Variants in VIPR2 observed in about 807,000 individuals in gnomAD.
VIPR2 encodes the protein vasoactive intestinal polypeptide receptor 2.
A neutral mutation model predicts 58.0 loss-of-function variants in VIPR2; 48 were observed. That is an observed-to-expected ratio of 0.83 (90% CI 0.66 to 1.05). VIPR2 has a LOEUF of 1.05. Ranked by LOEUF, VIPR2 falls within the 50% of genes least tolerant of loss-of-function variation. The probability of loss-of-function intolerance (pLI) is 0.00; values close to 1 mark genes in which losing one functional copy is unlikely to be tolerated. For missense variants in VIPR2, 534 were observed against 558.0 expected (o/e 0.96, Z 0.43); for synonymous variants, 243 against 235.2 (o/e 1.03, Z -0.30).
chr7:159,109,060 C>G (rs1225688773), intron 3 of VIPR2, among the ~76,000 whole-genome samples: 1 of 152,230 alleles, frequency 6.6e-6, no homozygotes, highest in Non-Finnish European at 1.5e-5. Flanking sequence ...TTCCCAAAGT[C>G]TTTACCCTTT....
intron 4 of VIPR2, among the ~76,000 whole-genome samples, chr7:159,067,124 G>C (rs1301879494): frequency 2.6e-5 from 4 of 152,202 alleles, no homozygotes; most frequent in Admixed American, 2.6e-4. Context: ...TGCCACACTC[G>C]ACAAAGCTCA....
intron 10 of VIPR2, among the ~76,000 whole-genome samples, chr7:159,032,920 G>A (rs575096441): frequency 2.0e-5 from 3 of 152,068 alleles, no homozygotes; most frequent in East Asian, 1.9e-4. Flanking sequence ...AGGCACCACC[G>A]GACTCCCCTG....
intron 4 of VIPR2, among the ~76,000 whole-genome samples, chr7:159,100,036 T>C (rs1314766423): frequency 6.6e-6 from 1 of 152,126 alleles, no homozygotes; most frequent in Non-Finnish European, 1.5e-5. Context: ...CAGTCTTCTC[T>C]CAACTCCACT....
chr7:159,034,290 A>G lies in VIPR2; in HGVS notation c.894T>C (p.Leu298=). 6.2e-7 allele frequency: 1 copy of G among 1,613,964 alleles called. No homozygotes were observed. The highest frequency in any genetic ancestry group is 8.5e-7 in the Non-Finnish European group (1 of 1,179,930). ...ILISIIVNFV[L]FISIIRILLQ... ...GCAAAATTCGTATAATACTAATGAA[A>G]AGGACAAAATTGACCTGCACAAGAG... The change falls in exon 10 of 13, where the codon CTT becomes CTC. Residue 298 remains leucine (L), a synonymous_variant. Transcript: ENST00000262178.
At chr7:159,120,078 T>A (rs1585538353) in intron 2 of VIPR2, among the ~76,000 whole-genome samples, 1 of 152,164 alleles carries the variant, frequency 6.6e-6, no homozygotes, top group East Asian at 1.9e-4. Flanking sequence ...CGTGGGCCCC[T>A]CACCTCTGCA....
intron 3 of VIPR2, among the ~76,000 whole-genome samples, chr7:159,107,830 G>A (rs533422279): frequency 6.6e-6 from 1 of 152,330 alleles, no homozygotes; most frequent in East Asian, 1.9e-4. Context: ...CTGGCACAGA[G>A]ACACAGGGCG....
rs1164853074 is a variant in VIPR2, at chr7:159,127,422, C to G, written c.151+15024G>C. On this transcript the variant is annotated intron_variant, in intron 2 of 12. Coordinates refer to ENST00000262178, the MANE Select transcript of VIPR2 (RefSeq NM_003382.5). This position sits in a 1 kb window ranked among gnomAD's most constrained non-coding sequence, Gnocchi z 4.6. ...GAAATAACCAAAACTATTAAATGAA[C>G]AAGAGGATTTTTCAAAGTAACGTTT... Among the ~76,000 whole-genome samples, 2 of 152,174 alleles carry G rather than the reference C, an allele frequency of 1.3e-5. No individual in the cohort carries two copies. The highest frequency in any genetic ancestry group is 3.8e-4 in the East Asian group (2 of 5,196).
chr7:159,111,090 C>T (rs1795981232), intron 2 of VIPR2, among the ~76,000 whole-genome samples: 1 of 152,114 alleles, frequency 6.6e-6, no homozygotes, highest in Admixed American at 6.5e-5. Flanking sequence ...CGTGAGCCCC[C>T]GTGTAAGGCT....
chr7:159,127,547 A>G lies in VIPR2; in HGVS notation c.151+14899T>C, dbSNP rs115527572. Among the ~76,000 whole-genome samples, 662 of 152,326 alleles carry G rather than the reference A, an allele frequency of 4.3e-3. 5 individuals carry two copies. Among genetic ancestry groups the G allele is most frequent in the African/African-American group, 0.015 (636 of 41,582 alleles). On this transcript the variant is annotated intron_variant, in intron 2 of 12. Transcript: ENST00000262178. This position sits in a 1 kb window ranked among gnomAD's most constrained non-coding sequence, Gnocchi z 4.6. ...CAAATTGAGCCTGAGTCAGTCCAAT[A>G]CATGTGGTTGGGATCCCTGACCAGC... is the stretch of plus-strand genomic sequence containing the variant.
At chr7:159,126,009 G>GA (rs1796637328) in intron 2 of VIPR2, among the ~76,000 whole-genome samples, 1 of 152,176 alleles carries the variant, frequency 6.6e-6, no homozygotes, top group Admixed American at 6.6e-5. Flanking sequence ...GCTCCAGAAT[G>GA]AAGCTGATGA....
intron 2 of VIPR2, among the ~76,000 whole-genome samples, chr7:159,125,883 G>A (rs1421135081): frequency 4.6e-5 from 7 of 152,242 alleles, no homozygotes; most frequent in Admixed American, 1.3e-4. Context: ...ACATTTCCTC[G>A]AAGCCACTGC....
At chr7:159,135,180 A>C (rs936191707) in intron 2 of VIPR2, among the ~76,000 whole-genome samples, 14 of 152,220 alleles carry the variant, frequency 9.2e-5, no homozygotes, top group African/African-American at 3.4e-4. Flanking sequence ...TCGCGCCTGT[A>C]ATCTCAGCAC....
intron 6 of VIPR2, among the ~76,000 whole-genome samples, chr7:159,038,020 C>CTA (rs1484571869): frequency 6.6e-6 from 1 of 152,152 alleles, no homozygotes; most frequent in African/African-American, 2.4e-5. Context: ...ATGGCTATCC[C>CTA]TATAAATATA....
At chr7:159,039,606 G>GC (rs1468611911) in intron 6 of VIPR2, among the ~76,000 whole-genome samples, 4 of 152,236 alleles carry the variant, frequency 2.6e-5, no homozygotes, top group South Asian at 2.1e-4. Context: ...AGTGGGTGGC[G>GC]CTTTGCGATG....
Position 159,099,830 on chromosome 7 carries a change from G to A in VIPR2, c.357+3927C>T, listed in dbSNP as rs530635530. 2.0e-5 allele frequency among the ~76,000 whole-genome samples: 3 copies of A among 152,190 alleles called. No homozygotes were observed. In the South Asian group the frequency reaches 6.2e-4, roughly 32 times the overall value. On this transcript the variant is annotated intron_variant, in intron 4 of 12. Coordinates refer to ENST00000262178, the MANE Select transcript of VIPR2 (RefSeq NM_003382.5). The surrounding 1 kb of genome is among the most constrained non-coding windows in gnomAD (Gnocchi z 4.2). ...TGCTCCCTTTCCTATGGAAGCCTGG[G>A]GCAGATGGTATTATCACTGCTGTGA...
chr7:159,042,896 G>T (rs1025363344), intron 6 of VIPR2, 139 bp downstream of exon 6: 5 of 1,225,192 alleles, frequency 4.1e-6, no homozygotes, highest in Non-Finnish European at 5.5e-6. Context: ...CAGCCTCTCT[G>T]CCAGGCTCTC....
chr7:159,100,378 G>C (rs1043353109), intron 4 of VIPR2, among the ~76,000 whole-genome samples: 1 of 149,592 alleles, frequency 6.7e-6, no homozygotes, highest in Non-Finnish European at 1.5e-5. Context: ...CTTATCCACT[G>C]AACACAATGA....
chr7:159,131,489 C>T (rs541034525), intron 2 of VIPR2, among the ~76,000 whole-genome samples: 11 of 152,292 alleles, frequency 7.2e-5, no homozygotes, highest in Admixed American at 3.3e-4. Context: ...TGATGTAAAA[C>T]GCAGATTTAC....
intron 6 of VIPR2, 71 bp from the exon 7 acceptor site, chr7:159,036,973 C>T (rs978187931): frequency 1.9e-5 from 29 of 1,534,446 alleles, no homozygotes; most frequent in African/African-American, 9.6e-5. Context: ...CAGGCAGTGC[C>T]GCTCCAGGAC....
Sources: allele counts gnomAD v4.1 joint callset (sites outside exome capture counted in the v4.1 genomes callset), GRCh38; gene constraint gnomAD v4.1.1; non-coding constraint Gnocchi (gnomAD v3.1); transcripts MANE v1.5; gene names NCBI Gene and HGNC (gene_info 2026-07-23, HGNC 2026-07-21).